DIRAS1: variants seen among roughly 807,000 people sequenced by gnomAD.
DIRAS1 encodes the protein GTP-binding protein Di-Ras1.
Under a neutral mutation model 11.5 loss-of-function variants are expected in DIRAS1, and 3 were observed. The observed-to-expected ratio is 0.26, with a 90% CI of 0.12 to 0.67. DIRAS1 has a LOEUF of 0.67. Among genes scored for constraint, DIRAS1 ranks in the 30% least tolerant of loss-of-function variants. DIRAS1 has a pLI of 0.80. For missense variants in DIRAS1, 212 were observed against 285.3 expected (o/e 0.74, Z 1.85); for synonymous variants, 128 against 125.8 (o/e 1.02, Z -0.12).
chr19:2,717,837 G>C lies in DIRAS1; in HGVS notation c.-31C>G. The stretch of plus-strand genomic sequence containing the variant: ...CCGCGGCGGGTGGGCGGCCGGGGCC[G>C]GGAGGGCTGGTGCCAGCTGCAAGAA... On this transcript the variant is annotated 5_prime_UTR_variant, in exon 2 of 2. Transcript: ENST00000323469. 6.4e-7 allele frequency: 1 copy of C among 1,554,512 alleles called. No individual in the cohort carries two copies. The highest frequency in any genetic ancestry group is 8.7e-7 in the Non-Finnish European group (1 of 1,154,448).
chr19:2,715,653 A>T lies in DIRAS1; in HGVS notation c.*1557T>A, dbSNP rs1027818303. ...CCACAGAATCTATGAGATAATAAGC[A>T]TGTGTTGTTTCTGGTTGCTACATTT... On this transcript the variant is annotated 3_prime_UTR_variant, in exon 2 of 2. Transcript: ENST00000323469. 3 of 152,212 alleles carry T rather than the reference A, an allele frequency of 2.0e-5. No individual in the cohort carries two copies. The highest frequency in any genetic ancestry group is 6.5e-5 in the Admixed American group (1 of 15,274). The allele number at this position is 152,212 out of a possible 1,614,324, so 9.4% of individuals were successfully genotyped here.
At position 2,717,494 on chromosome 19, in the gene DIRAS1, C is replaced by T. The variant is rs200592516; in HGVS notation, c.313G>A (p.Val105Met). The change falls in exon 2 of 2, where the codon GTG (valine) becomes ATG (methionine). Residue 105 changes from valine to methionine, a missense_variant. Around this residue, in one of 2 missense-constraint regions of DIRAS1, gnomAD observed 128 missense variants for 205.3 expected, o/e 0.62. Coordinates refer to ENST00000323469, the MANE Select transcript of DIRAS1 (RefSeq NM_145173.4). The stretch of plus-strand genomic sequence containing the variant: ...TCCTCCACGCTGCCCTTGATCTGCA[C>T]GATGAGCTTGTAGATGGGCCCCAGC... The part of the protein sequence containing the change: ...EELGPIYKLI[V>M]QIKGSVEDIP... The T allele has an allele frequency of 6.1e-5, 98 of 1,612,658 alleles. 1 individual carries two copies. Among genetic ancestry groups the T allele is most frequent in the Non-Finnish European group, 1.7e-5 (20 of 1,179,988 alleles).
chr19:2,719,237 A>G (rs886756106), intron 1 of DIRAS1: 1 of 152,218 alleles, frequency 6.6e-6, no homozygotes, highest in African/African-American at 2.4e-5. Context: ...CGCCCCAGGG[A>G]GGAAGGGTCT....
chr19:2,719,451 T>A (rs890882905), intron 1 of DIRAS1, among the ~76,000 whole-genome samples: 1 of 132,520 alleles, frequency 7.5e-6, no homozygotes, highest in Non-Finnish European at 1.5e-5. Context: ...TCCAGCAGCC[T>A]GAGGAGGTCA....
intron 1 of DIRAS1, chr19:2,719,259 TG>T (rs951483565): frequency 6.6e-6 from 1 of 152,198 alleles, no homozygotes; most frequent in Non-Finnish European, 1.5e-5. Flanking sequence ...GCAGCCCAGG[TG>T]GGACACAAAA....
chr19:2,719,712 G>A (rs1050050099), intron 1 of DIRAS1, among the ~76,000 whole-genome samples: 1 of 152,010 alleles, frequency 6.6e-6, no homozygotes, highest in Non-Finnish European at 1.5e-5. Flanking sequence ...TTCCCCGGGG[G>A]TCAGTGGTTT....
intron 1 of DIRAS1, among the ~76,000 whole-genome samples, chr19:2,720,651 G>C (rs1048633778): frequency 1.3e-5 from 2 of 152,234 alleles, no homozygotes; most frequent in Non-Finnish European, 2.9e-5. Flanking sequence ...GGCCGGGCAC[G>C]GCGTGGTTGG....
intron 1 of DIRAS1, 21 bp from the exon 2 acceptor site, chr19:2,717,896 C>A: frequency 7.4e-7 from 1 of 1,353,992 alleles, no homozygotes; most frequent in South Asian, 1.4e-5. Flanking sequence ...AGGAGGGTCA[C>A]ACGTCAAAGG....
chr19:2,720,011 C>T (rs1913917991), intron 1 of DIRAS1, among the ~76,000 whole-genome samples: 1 of 152,192 alleles, frequency 6.6e-6, no homozygotes, highest in Non-Finnish European at 1.5e-5. Flanking sequence ...ACACAGTCCC[C>T]AGTTGTGATG....
In DIRAS1 at chr19:2,717,143, G is replaced by A. The variant is rs922896347; in HGVS notation, c.*67C>T. 2 of 1,464,910 alleles carry A rather than the reference G, an allele frequency of 1.4e-6. No homozygotes were observed. The highest frequency in any genetic ancestry group is 1.3e-5 in the South Asian group (1 of 78,508). The allele number at this position is 1,464,910 out of a possible 1,614,324, so 90.7% of individuals were successfully genotyped here. On this transcript the variant is annotated 3_prime_UTR_variant, in exon 2 of 2. Coordinates refer to ENST00000323469, the MANE Select transcript of DIRAS1 (RefSeq NM_145173.4). ...AGAGAAGAGGAGGAGGCCGAGGAGG[G>A]TGTCGGTGTTGGGGGAGGCAGCGGG...
At position 2,717,148 on chromosome 19, in the gene DIRAS1, G is replaced by C. The variant is rs1250227728; in HGVS notation, c.*62C>G. 2.0e-6 allele frequency: 3 copies of C among 1,482,252 alleles called. No homozygotes were observed. Among genetic ancestry groups the C allele is most frequent in the African/African-American group, 1.4e-5 (1 of 70,492 alleles). The allele number at this position is 1,482,252 out of a possible 1,614,324, so 91.8% of individuals were successfully genotyped here. On this transcript the variant is annotated 3_prime_UTR_variant, in exon 2 of 2. Transcript: ENST00000323469. ...AGAGGAGGAGGCCGAGGAGGGTGTC[G>C]GTGTTGGGGGAGGCAGCGGGGGTCA...
In DIRAS1 at chr19:2,716,251, G is replaced by T. The variant is rs2144678551; in HGVS notation, c.*959C>A. 1 of 152,478 alleles carries T rather than the reference G, an allele frequency of 6.6e-6. No homozygotes were observed. The highest frequency in any genetic ancestry group is 6.5e-5 in the Admixed American group (1 of 15,304). 9.4% of individuals were successfully genotyped at this position (152,478 alleles called of 1,614,324 possible). ...GGCCCTGCTCTCTGGGGCACAGGTG[G>T]TGGGGAGGAAGTGGGTGGGGCAGAC... On this transcript the variant is annotated 3_prime_UTR_variant, in exon 2 of 2. Transcript: ENST00000323469.
Position 2,717,185 on chromosome 19 carries a change from C to A in DIRAS1, c.*25G>T, listed in dbSNP as rs760219986. ...GGCAGCGGGGGTCAGTGGGGGTGGG[C>A]GGCGGGCAGGCGGGCGTTCCGGGCT... On this transcript the variant is annotated 3_prime_UTR_variant, in exon 2 of 2. Coordinates refer to ENST00000323469, the MANE Select transcript of DIRAS1 (RefSeq NM_145173.4). The A allele has an allele frequency of 2.9e-6, 4 of 1,370,558 alleles. No homozygotes were observed. The highest frequency in any genetic ancestry group is 4.7e-5 in the Admixed American group (2 of 42,626). The allele number at this position is 1,370,558 out of a possible 1,614,324, so 84.9% of individuals were successfully genotyped here.
chr19:2,719,487 TGGA>T (rs1913903524), intron 1 of DIRAS1, among the ~76,000 whole-genome samples: 1 of 45,520 alleles, frequency 2.2e-5, no homozygotes, highest in South Asian at 6.9e-4. Flanking sequence ...CCTGAAATGA[TGGA>T]GGTGGGGGAA....
intron 1 of DIRAS1, among the ~76,000 whole-genome samples, chr19:2,720,499 G>T (rs1330132242): frequency 6.6e-6 from 1 of 152,224 alleles, no homozygotes; most frequent in African/African-American, 2.4e-5. Context: ...CAGAGCAGGG[G>T]GGTGGAGGCG....
At position 2,717,188 on chromosome 19, in the gene DIRAS1, C is replaced by T. The variant is rs908236028; in HGVS notation, c.*22G>A. On this transcript the variant is annotated 3_prime_UTR_variant, in exon 2 of 2. Coordinates refer to ENST00000323469, the MANE Select transcript of DIRAS1 (RefSeq NM_145173.4). ...AGCGGGGGTCAGTGGGGGTGGGCGGCGGGCAGGCGGGCGTTCCGGGCTCAC... is the reference window on the plus strand; with the variant it reads ...AGCGGGGGTCAGTGGGGGTGGGCGGTGGGCAGGCGGGCGTTCCGGGCTCAC... 5 of 1,384,650 alleles carry T rather than the reference C, an allele frequency of 3.6e-6. No individual in the cohort carries two copies. Among genetic ancestry groups the T allele is most frequent in the Admixed American group, 4.6e-5 (2 of 43,202 alleles). The allele number at this position is 1,384,650 out of a possible 1,614,324, so 85.8% of individuals were successfully genotyped here.
In DIRAS1 at chr19:2,717,482, C is replaced by T; in HGVS notation, c.325G>A (p.Gly109Ser). 6.2e-7 allele frequency: 1 copy of T among 1,612,296 alleles called. No homozygotes were observed. Among genetic ancestry groups the T allele is most frequent in the Non-Finnish European group, 8.5e-7 (1 of 1,180,006 alleles). The change falls in exon 2 of 2, where the codon GGC becomes AGC. Residue 109 changes from glycine (G) to serine (S), a missense_variant. Physicochemically the swap from Gly to Ser is moderately conservative, Grantham distance 56. This residue lies in a region of DIRAS1 where 128 missense variants were observed against 205.3 expected (regional missense o/e 0.62). Coordinates refer to ENST00000323469, the MANE Select transcript of DIRAS1 (RefSeq NM_145173.4). Reference sequence around the variant, plus strand: ...ATCACGGGGATGTCCTCCACGCTGCCCTTGATCTGCACGATGAGCTTGTAG... The same window carrying T: ...ATCACGGGGATGTCCTCCACGCTGCTCTTGATCTGCACGATGAGCTTGTAG... ...PIYKLIVQIK[G>S]SVEDIPVMLV... is the part of the protein sequence containing the mutation.
At position 2,717,233 on chromosome 19, in the gene DIRAS1, T is replaced by TGAC. The variant is rs753227238; in HGVS notation, c.571_573dup (p.Val191dup). 4 of 1,596,108 alleles carry TGAC rather than the reference T, an allele frequency of 2.5e-6. No individual in the cohort carries two copies. In the South Asian group the frequency reaches 4.4e-5, roughly 18 times the overall value. On this transcript the variant is annotated inframe_insertion, in exon 2 of 2. Coordinates refer to ENST00000323469, the MANE Select transcript of DIRAS1 (RefSeq NM_145173.4). ...GCTCACATGAGGGTGCATTTGCCCT[T>TGAC]GACGCGGTCTGTCCTCTTCTGCTTC...
rs1913815196 is a variant in DIRAS1 at position 2,716,830 on chromosome 19, T to A, written c.*380A>T. 1 of 230,744 alleles carries A rather than the reference T, an allele frequency of 4.3e-6. No homozygotes were observed. Among genetic ancestry groups the A allele is most frequent in the Admixed American group, 5.1e-5 (1 of 19,744 alleles). The allele number at this position is 230,744 out of a possible 1,614,324, so 14.3% of individuals were successfully genotyped here. ...AAATGTGAGGGACAGGACGCGCAGG[T>A]CTGGCTGGGGACACCCCAGGGAAAG... On this transcript the variant is annotated 3_prime_UTR_variant, in exon 2 of 2. Coordinates refer to ENST00000323469, the MANE Select transcript of DIRAS1 (RefSeq NM_145173.4).
Sources: gnomAD v4.1 joint callset for allele counts (sites outside exome capture counted in the v4.1 genomes callset) on GRCh38, gnomAD v4.1.1 for gene constraint, gnomAD v4.1.1 regional missense constraint, MANE v1.5 for transcripts, NCBI Gene and HGNC (gene_info 2026-07-23, HGNC 2026-07-21) for gene names.